The following CRAMP1 variants were observed in gnomAD, a reference collection of about 807,000 sequenced individuals.
CRAMP1 encodes cramped chromatin regulator 1, also known as protein cramped-like.
CRAMP1 carries 50 observed loss-of-function variants against 115.4 expected under a neutral mutation model. The ratio of observed to expected loss-of-function variants is 0.43; its 90% CI spans 0.35 to 0.55. The LOEUF is 0.55. Among genes scored for constraint, CRAMP1 ranks in the 20% least tolerant of loss-of-function variants. The probability of loss-of-function intolerance (pLI) is 0.01; values close to 1 mark genes in which losing one functional copy is unlikely to be tolerated. For missense variants in CRAMP1, 1,679 were observed against 1,721.7 expected (o/e 0.98, Z 0.44); for synonymous variants, 866 against 745.4 (o/e 1.16, Z -2.64).
intron 11 of CRAMP1, among the ~76,000 whole-genome samples, chr16:1,661,369 C>T (rs1157381704): frequency 1.8e-5 from 2 of 113,012 alleles, no homozygotes; most frequent in Non-Finnish European, 3.7e-5. Flanking sequence ...GGGGTCCTGG[C>T]CTCCTGGGTG....
rs944521770 is a variant in CRAMP1, at chr16:1,647,743, T to C, written c.828-4753T>C. 9.3e-5 allele frequency among the ~76,000 whole-genome samples: 12 copies of C among 128,454 alleles called. No individual in the cohort carries two copies. The Admixed American group carries it at 1.0e-3, about 11-fold the overall frequency. The allele number at this position is 128,454 out of a possible 152,430, so 84.3% of individuals were successfully genotyped here. A position where few individuals can be genotyped will look rare whatever the true frequency, so the allele number is the denominator to read the frequency against. On this transcript the variant is annotated intron_variant, in intron 6 of 20. Coordinates refer to ENST00000397412, the MANE Select transcript of CRAMP1 (RefSeq NM_020825.4). ...CAGCCTGGGCGACAGAGTGAGACTC[T>C]GCCTTAAAAAAAAAAAAAAAAAAAA... is the stretch of plus-strand genomic sequence containing the variant.
Position 1,614,810 on chromosome 16 carries a change from C to T in CRAMP1, c.171C>T (p.Asp57=), listed in dbSNP as rs1321289171. ...RDEKTPRAGA[D]GPPAPPGAPQ... is the part of the protein sequence containing the mutation. Reference sequence around the variant, plus strand: ...AGAAGACCCCCCGGGCCGGCGCCGACGGCCCCCCCGCGCCCCCCGGCGCGC... The same window carrying T: ...AGAAGACCCCCCGGGCCGGCGCCGATGGCCCCCCCGCGCCCCCCGGCGCGC... Residue 57 remains aspartate, a synonymous_variant, in exon 2 of 21, where the codon GAC becomes GAT. Coordinates refer to ENST00000397412, the MANE Select transcript of CRAMP1 (RefSeq NM_020825.4). The surrounding 1 kb of genome is among the most constrained non-coding windows in gnomAD (Gnocchi z 4.4). The T allele has an allele frequency of 4.2e-5, 53 of 1,275,478 alleles. 2 individuals carry two copies. The highest frequency in any genetic ancestry group is 1.3e-4 in the East Asian group (4 of 31,420). 79.0% of individuals were successfully genotyped at this position (1,275,478 alleles called of 1,614,324 possible).
intron 6 of CRAMP1, among the ~76,000 whole-genome samples, chr16:1,648,711 A>AATGTTCAT (rs2036697228): frequency 6.6e-6 from 1 of 152,120 alleles, no homozygotes; most frequent in African/African-American, 2.4e-5. Context: ...AATGTTCATA[A>AATGTTCAT]AACTGCTGTG....
chr16:1,663,616 C>T (rs2036850695), intron 13 of CRAMP1, among the ~76,000 whole-genome samples: 1 of 152,088 alleles, frequency 6.6e-6, no homozygotes, highest in South Asian at 2.1e-4. Context: ...ATAATGTTTG[C>T]CCATTTGAAC....
Position 1,621,076 on chromosome 16 carries a change from C to T in CRAMP1, c.347-4897C>T, listed in dbSNP as rs575041586. The stretch of plus-strand genomic sequence containing the variant: ...ATTTAAATACAGGTTCTGTTACTTC[C>T]AGGCCTGCTGGGCACTGAGCAGCTG... On this transcript the variant is annotated intron_variant, in intron 2 of 20. Coordinates refer to ENST00000397412, the MANE Select transcript of CRAMP1 (RefSeq NM_020825.4). 1.4e-4 allele frequency among the ~76,000 whole-genome samples: 22 copies of T among 152,304 alleles called. No homozygotes were observed. In the East Asian group the frequency reaches 4.1e-3, roughly 28 times the overall value.
intron 2 of CRAMP1, among the ~76,000 whole-genome samples, chr16:1,620,048 T>C (rs902903062): frequency 6.6e-6 from 1 of 152,224 alleles, no homozygotes; most frequent in African/African-American, 2.4e-5. Flanking sequence ...GGCTCAGAAC[T>C]CATCCGAGAT....
chr16:1,623,416 T>G (rs1438356763), intron 2 of CRAMP1, among the ~76,000 whole-genome samples: 2 of 152,254 alleles, frequency 1.3e-5, no homozygotes, highest in Non-Finnish European at 2.9e-5. Context: ...ACTGTTTCAC[T>G]CTCCTTGTCT....
At position 1,656,420 on chromosome 16, in the gene CRAMP1, C is replaced by G. The variant is rs950653296; in HGVS notation, c.1663C>G (p.Leu555Val). 1 of 1,587,680 alleles carries G rather than the reference C, an allele frequency of 6.3e-7. No homozygotes were observed. Among genetic ancestry groups the G allele is most frequent in the Non-Finnish European group, 8.6e-7 (1 of 1,167,496 alleles). Residue 555 changes from leucine (L) to valine (V), a missense_variant, in exon 10 of 21, where the codon CTC becomes GTC. Around this residue, in one of 8 missense-constraint regions of CRAMP1, gnomAD observed 405 missense variants for 302.6 expected, o/e 1.34. Coordinates refer to ENST00000397412, the MANE Select transcript of CRAMP1 (RefSeq NM_020825.4). This position sits in a 1 kb window ranked among gnomAD's most constrained non-coding sequence, Gnocchi z 5.6. ...CCAGCTCCCAGACCTGGAGGACGAG[C>G]TCTCGCTTCTAGACCCCTTGCCCCG... ...CGQLPDLEDE[L>V]SLLDPLPRYL...
Position 1,641,148 on chromosome 16 carries a change from A to G in CRAMP1, c.788A>G (p.Asp263Gly). 1 of 1,611,218 alleles carries G rather than the reference A, an allele frequency of 6.2e-7. No individual in the cohort carries two copies. Among genetic ancestry groups the G allele is most frequent in the Non-Finnish European group, 8.5e-7 (1 of 1,177,424 alleles). The change falls in exon 6 of 21, where the codon GAC becomes GGC. Residue 263 changes from aspartate (D) to glycine (G), a missense_variant. Physicochemically the swap from Asp to Gly is moderately conservative, Grantham distance 94. This residue lies in a region of CRAMP1 where 42 missense variants were observed against 42.3 expected (regional missense o/e 0.99). Transcript: ENST00000397412. ...LRKKIGGCMD[D>G]KNATKLNELI... is the part of the protein sequence containing the mutation. Reference sequence around the variant, plus strand: ...TTTTTTCCATTTAAAGGTATGGATGACAAGAATGCAACAAAGCTGAATGAA... The same window carrying G: ...TTTTTTCCATTTAAAGGTATGGATGGCAAGAATGCAACAAAGCTGAATGAA...
At chr16:1,633,552 C>T (rs1596485598) in intron 4 of CRAMP1, among the ~76,000 whole-genome samples, 4 of 152,222 alleles carry the variant, frequency 2.6e-5, no homozygotes, top group Admixed American at 2.0e-4. Flanking sequence ...ACATCAGTTC[C>T]GTTTTGTCCT....
At chr16:1,612,919 G>T (rs2036370901) in intron 1 of CRAMP1, among the ~76,000 whole-genome samples, 1 of 152,080 alleles carries the variant, frequency 6.6e-6, no homozygotes, top group Admixed American at 6.5e-5. Context: ...CCCCCTGCTT[G>T]TTGGCCCTTA....
intron 20 of CRAMP1, among the ~76,000 whole-genome samples, chr16:1,673,253 C>T (rs1231774520): frequency 2.7e-5 from 4 of 148,334 alleles, no homozygotes; most frequent in African/African-American, 1.0e-4. Context: ...GTGCCCCCCA[C>T]CTGTCCTCAT....
intron 6 of CRAMP1, among the ~76,000 whole-genome samples, chr16:1,641,402 G>T (rs143846483): frequency 6.6e-6 from 1 of 152,198 alleles, no homozygotes; most frequent in Non-Finnish European, 1.5e-5. Flanking sequence ...AGGAAGTGCC[G>T]TCTTTGGCCT....
chr16:1,656,109 A>T lies in CRAMP1; in HGVS notation c.1352A>T (p.Gln451Leu), dbSNP rs1337766937. The T allele has an allele frequency of 1.2e-6, 2 of 1,609,730 alleles. No individual in the cohort carries two copies. The highest frequency in any genetic ancestry group is 1.7e-6 in the Non-Finnish European group (2 of 1,178,796). ...VLPPAQILGI[Q>L]SGQGTARGQV... is the part of the protein sequence containing the mutation. Reference sequence around the variant, plus strand: ...CCCCCAGCCCAGATCCTGGGCATCCAGAGTGGGCAGGGCACGGCCCGGGGC... The same window carrying T: ...CCCCCAGCCCAGATCCTGGGCATCCTGAGTGGGCAGGGCACGGCCCGGGGC... The change falls in exon 10 of 21, where the codon CAG becomes CTG. Residue 451 changes from glutamine (Q) to leucine (L), a missense_variant. Physicochemically the swap from Gln to Leu is moderately radical, Grantham distance 113. Coordinates refer to ENST00000397412, the MANE Select transcript of CRAMP1 (RefSeq NM_020825.4). The surrounding 1 kb of genome is among the most constrained non-coding windows in gnomAD (Gnocchi z 5.6).
At position 1,637,871 on chromosome 16, in the gene CRAMP1, A is replaced by G; in HGVS notation, c.742A>G (p.Ile248Val). 1 of 1,570,362 alleles carries G rather than the reference A, an allele frequency of 6.4e-7. No individual in the cohort carries two copies. The highest frequency in any genetic ancestry group is 1.2e-5 in the South Asian group (1 of 83,778). The stretch of plus-strand genomic sequence containing the variant: ...GTCATCCCAGGAACTGTATGGCCTG[A>G]TCTGCTATGGCGAGCTGCGCAAGAA... Reference protein sequence around the residue: ...KKSSQELYGLICYGELRKKIG... With the variant: ...KKSSQELYGLVCYGELRKKIG... Residue 248 changes from isoleucine to valine, a missense_variant, in exon 5 of 21, where the codon ATC becomes GTC. By Grantham distance (29) the Ile-to-Val change is conservative (BLOSUM62 3). Around this residue, in one of 8 missense-constraint regions of CRAMP1, gnomAD observed 42 missense variants for 42.3 expected, o/e 0.99. Transcript: ENST00000397412.
chr16:1,657,128 C>T (rs774245807), intron 10 of CRAMP1, 136 bp downstream of exon 10: 2 of 769,144 alleles, frequency 2.6e-6, no homozygotes, highest in Non-Finnish European at 2.0e-6. Flanking sequence ...GGCAGGGGGC[C>T]AGGAGCCTTC....
chr16:1,667,006 C>G (rs528886070), intron 16 of CRAMP1, among the ~76,000 whole-genome samples: 1 of 152,232 alleles, frequency 6.6e-6, no homozygotes, highest in African/African-American at 2.4e-5. Context: ...TCTGGCCTCC[C>G]ACGGCCACTT....
At chr16:1,615,097 C>CA in intron 2 of CRAMP1, 112 bp downstream of exon 2, 1 of 569,434 alleles carries the variant, frequency 1.8e-6, no homozygotes, top group Non-Finnish European at 2.6e-6. Context: ...ATCCCGCGGC[C>CA]TACACTGAGG....
chr16:1,667,186 G>A (rs2036883146), intron 16 of CRAMP1, 149 bp from the exon 17 acceptor site: 2 of 639,262 alleles, frequency 3.1e-6, no homozygotes, highest in South Asian at 1.8e-5. Context: ...CAGTGTTCTC[G>A]ACCTTAGACC....
Sources: gnomAD v4.1 joint callset for allele counts (sites outside exome capture counted in the v4.1 genomes callset) on GRCh38, gnomAD v4.1.1 for gene constraint, gnomAD v4.1.1 regional missense constraint, Gnocchi (gnomAD v3.1) non-coding constraint, MANE v1.5 for transcripts, NCBI Gene and HGNC (gene_info 2026-07-23, HGNC 2026-07-21) for gene names.